GARNL3: variants seen among roughly 807,000 people sequenced by gnomAD.
GARNL3 encodes GTPase activating Rap/RanGAP domain like 3.
GARNL3 carries 63 observed loss-of-function variants against 125.0 expected under a neutral mutation model. The ratio of observed to expected loss-of-function variants is 0.50; its 90% CI spans 0.41 to 0.62. The LOEUF (loss-of-function observed/expected upper bound fraction) is 0.62, where lower values mean the gene tolerates loss of function less well. Among genes scored for constraint, GARNL3 ranks in the 20% least tolerant of loss-of-function variants. The pLI is 0.00. For synonymous variants in GARNL3, 439 were observed against 457.5 expected, an observed-to-expected ratio of 0.96 and a Z score of 0.52; for missense variants, 994 against 1,244.0, an observed-to-expected ratio of 0.80 and a Z score of 3.02.
At position 127,387,056 on chromosome 9, in the gene GARNL3, C is replaced by T. The variant is rs1484071840; in HGVS notation, c.2389-137C>T. ...CCTCCAGAAGGCTCTCTCCATCCCT[C>T]GCCCCGGCATCCCGCACTGCACTGT... On this transcript the variant is annotated intron_variant, in intron 24 of 27. Coordinates refer to ENST00000373387, the MANE Select transcript of GARNL3 (RefSeq NM_032293.5). 28 of 808,050 alleles carry T rather than the reference C, an allele frequency of 3.5e-5. No homozygotes were observed. The East Asian group carries it at 4.2e-4, about 12-fold the overall frequency. The allele number at this position is 808,050 out of a possible 1,614,324, so 50.1% of individuals were successfully genotyped here. A position where few individuals can be genotyped will look rare whatever the true frequency, so the allele number is the denominator to read the frequency against.
chr9:127,230,457 C>T (rs1380795942), intron 1 of GARNL3, among the ~76,000 whole-genome samples: 1 of 151,988 alleles, frequency 6.6e-6, no homozygotes, highest in Non-Finnish European at 1.5e-5. Context: ...GTCGGGAGTT[C>T]GAACCTGACC....
At chr9:127,378,440 A>C (rs1426626478) in intron 22 of GARNL3, among the ~76,000 whole-genome samples, 1 of 151,944 alleles carries the variant, frequency 6.6e-6, no homozygotes, top group Non-Finnish European at 1.5e-5. Flanking sequence ...TATAAAAATC[A>C]ACTGGGCTTG....
At chr9:127,230,100 C>T (rs2131128199) in intron 1 of GARNL3, among the ~76,000 whole-genome samples, 1 of 152,288 alleles carries the variant, frequency 6.6e-6, no homozygotes, top group East Asian at 1.9e-4. Flanking sequence ...ATGTGTTTGC[C>T]ATCATTTTGT....
chr9:127,324,588 G>A (rs1018189176), intron 6 of GARNL3, among the ~76,000 whole-genome samples: 2 of 152,208 alleles, frequency 1.3e-5, no homozygotes, highest in African/African-American at 2.4e-5. Flanking sequence ...TTTTTTAGAA[G>A]TTCTGGAAAA....
chr9:127,330,904 C>T (rs974872200), intron 7 of GARNL3, among the ~76,000 whole-genome samples: 2 of 152,110 alleles, frequency 1.3e-5, no homozygotes, highest in Non-Finnish European at 2.9e-5. Flanking sequence ...GAAAAATGTT[C>T]GGATGCACAG....
At chr9:127,367,913 T>G (rs1831371891) in intron 22 of GARNL3, among the ~76,000 whole-genome samples, 1 of 152,044 alleles carries the variant, frequency 6.6e-6, no homozygotes, top group Admixed American at 6.6e-5. Flanking sequence ...CCACAACACA[T>G]TGCCTGACAT....
chr9:127,287,872 AT>A (rs2064297664), intron 1 of GARNL3, among the ~76,000 whole-genome samples: 1 of 152,162 alleles, frequency 6.6e-6, no homozygotes, highest in East Asian at 1.9e-4. Flanking sequence ...TTTCTTTGAC[AT>A]TTCTTGCATG....
At chr9:127,313,237 C>T in intron 3 of GARNL3, 1 of 553,068 alleles carries the variant, frequency 1.8e-6, no homozygotes. Flanking sequence ...AATTTGGTCA[C>T]ATGTTCATTC....
At chr9:127,256,522 C>T (rs934534652) in intron 2 of GARNL3, among the ~76,000 whole-genome samples, 2 of 152,206 alleles carry the variant, frequency 1.3e-5, no homozygotes, top group South Asian at 4.1e-4. Context: ...TTGTGTCTTT[C>T]TTTCCCACTG....
intron 17 of GARNL3, among the ~76,000 whole-genome samples, chr9:127,351,355 G>A (rs549126410): frequency 1.3e-5 from 2 of 152,102 alleles, no homozygotes; most frequent in East Asian, 3.9e-4. Flanking sequence ...AAATTTGAAG[G>A]AAGTCGCCTT....
At chr9:127,258,991 G>A (rs1178491463), upstream of GARNL3, among the ~76,000 whole-genome samples, 8 of 152,144 alleles carry the variant, frequency 5.3e-5, no homozygotes, top group African/African-American at 9.7e-5. Context: ...CTCCCTTGTC[G>A]CTGTTGCCCT....
Position 127,342,208 on chromosome 9 carries a change from AT to A in GARNL3, c.1136-8del, listed in dbSNP as rs779939211. The A allele has an allele frequency of 1.3e-6, 2 of 1,509,938 alleles. No homozygotes were observed. Among genetic ancestry groups the A allele is most frequent in the Admixed American group, 1.7e-5 (1 of 59,742 alleles). The allele number at this position is 1,509,938 out of a possible 1,614,324, so 93.5% of individuals were successfully genotyped here. A position where few individuals can be genotyped will look rare whatever the true frequency, so the allele number is the denominator to read the frequency against. On this transcript the variant is annotated splice_polypyrimidine_tract_variant and intron_variant, in intron 13 of 27. Transcript: ENST00000373387. ...ATCTTGTAATTCCCTTTTTAACTTG[AT>A]TTATTTTAGTAATTAATGGTGAAAA...
At chr9:127,248,596 CTTTTT>C (rs745331884) in intron 2 of GARNL3, among the ~76,000 whole-genome samples, 38 of 74,568 alleles carry the variant, frequency 5.1e-4, no homozygotes, top group African/African-American at 2.1e-3. Flanking sequence ...TTTTTCTTTT[CTTTTT>C]TTTTTTTTTT....
chr9:127,294,850 C>T (rs2064538611), intron 2 of GARNL3, among the ~76,000 whole-genome samples: 1 of 152,212 alleles, frequency 6.6e-6, no homozygotes, highest in Non-Finnish European at 1.5e-5. Context: ...TAGGGGCCTG[C>T]AGATGGCAGG....
Position 127,313,531 on chromosome 9 carries a change from A to C in GARNL3, c.410A>C (p.Gln137Pro). 6.2e-7 allele frequency: 1 copy of C among 1,613,612 alleles called. No homozygotes were observed. The highest frequency in any genetic ancestry group is 8.5e-7 in the Non-Finnish European group (1 of 1,179,524). The change falls in exon 4 of 28, where the codon CAA (glutamine) becomes CCA (proline). Residue 137 changes from glutamine to proline, a missense_variant. Gln to Pro is a moderately conservative substitution (Grantham distance 76). Around this residue, in one of 5 missense-constraint regions of GARNL3, gnomAD observed 139 missense variants for 231.6 expected, o/e 0.60. Coordinates refer to ENST00000373387, the MANE Select transcript of GARNL3 (RefSeq NM_032293.5). ...LSDQNNQRVP[Q>P]YRAILWRKTG... ...GACCAAAACAATCAACGTGTCCCTC[A>C]ATACCGTGCAATTCTTTGGAGAAAA... is the stretch of plus-strand genomic sequence containing the variant.
chr9:127,315,236 T>C lies in GARNL3; in HGVS notation c.438+1677T>C, dbSNP rs182639646. ...CAAGGGGTCAGTTATTAAGCCCCTCTTGGCCTGAAACTAGTGCTAGAGGCT... is the reference window on the plus strand; with the variant it reads ...CAAGGGGTCAGTTATTAAGCCCCTCCTGGCCTGAAACTAGTGCTAGAGGCT... On this transcript the variant is annotated intron_variant, in intron 4 of 27. Coordinates refer to ENST00000373387, the MANE Select transcript of GARNL3 (RefSeq NM_032293.5). Among the ~76,000 whole-genome samples the C allele has an allele frequency of 2.1e-3, 325 of 152,310 alleles. 1 individual carries two copies. The highest frequency in any genetic ancestry group is 6.8e-3 in the Middle Eastern group (2 of 294).
chr9:127,291,312 A>G, intron 2 of GARNL3, 70 bp downstream of exon 2: 1 of 1,362,634 alleles, frequency 7.3e-7, no homozygotes, highest in Non-Finnish European at 1.0e-6. Flanking sequence ...TATAGCAGTG[A>G]AAGAGTTCTG....
chr9:127,241,301 A>G (rs76481691), intron 1 of GARNL3, among the ~76,000 whole-genome samples: 2 of 146,632 alleles, frequency 1.4e-5, no homozygotes, highest in Non-Finnish European at 3.0e-5. Context: ...GGTTCAAAAG[A>G]AAAAAAAAAG....
At chr9:127,371,703 A>G (rs986021054) in intron 22 of GARNL3, among the ~76,000 whole-genome samples, 1 of 152,222 alleles carries the variant, frequency 6.6e-6, no homozygotes, top group African/African-American at 2.4e-5. Context: ...TATATTTTAA[A>G]TGTTTTTTAA....
Sources: gnomAD v4.1 joint callset for allele counts (sites outside exome capture counted in the v4.1 genomes callset) on GRCh38, gnomAD v4.1.1 for gene constraint, gnomAD v4.1.1 regional missense constraint, MANE v1.5 for transcripts, NCBI Gene and HGNC (gene_info 2026-07-23, HGNC 2026-07-21) for gene names.